BPTF: variants seen among roughly 807,000 people sequenced by gnomAD.
BPTF encodes nucleosome-remodeling factor subunit BPTF.
In BPTF, 18 loss-of-function variants were observed where a neutral mutation model predicts 292.5. The observed-to-expected ratio is 0.06, with a 90% CI of 0.04 to 0.09. The LOEUF (loss-of-function observed/expected upper bound fraction) is 0.09. BPTF is among the 10% of genes least tolerant of loss of function. The pLI is 1.00. For missense variants in BPTF, 2,726 were observed against 3,498.7 expected (o/e 0.78, Z 5.57); for synonymous variants, 1,225 against 1,251.9 (o/e 0.98, Z 0.45).
chr17:67,856,498 C>T (rs1460481821), intron 2 of BPTF, among the ~76,000 whole-genome samples: 3 of 152,048 alleles, frequency 2.0e-5, no homozygotes, highest in Non-Finnish European at 4.4e-5. Flanking sequence ...TCTTAATTTT[C>T]TGCTCCTCAT....
chr17:67,904,329 C>G (rs1259336637), intron 8 of BPTF, among the ~76,000 whole-genome samples: 2 of 152,262 alleles, frequency 1.3e-5, no homozygotes, highest in South Asian at 2.1e-4. Context: ...TGCTCCTGGC[C>G]TACTTTTGAC....
chr17:67,902,017 C>T (rs1460273473), intron 7 of BPTF, among the ~76,000 whole-genome samples: 2 of 152,164 alleles, frequency 1.3e-5, no homozygotes, highest in Admixed American at 6.5e-5. Flanking sequence ...GGTTGGACTT[C>T]GTTGGCCAAG....
chr17:67,892,764 A>G (rs542895534), intron 5 of BPTF, among the ~76,000 whole-genome samples: 5 of 152,218 alleles, frequency 3.3e-5, no homozygotes, highest in Admixed American at 3.3e-4. Flanking sequence ...CTGAAATACT[A>G]TTTTACTTTA....
rs192491830 is a variant in BPTF, at chr17:67,909,503, T to G, written c.2813-79T>G. On this transcript the variant is annotated intron_variant, in intron 9 of 27. Coordinates refer to ENST00000306378, the MANE Select transcript of BPTF (RefSeq NM_182641.4). ...ACATAACTTGCTGGAAATTACTTGT[T>G]TATTTTCACTAAACTTGACATATTA... 4,194 of 979,946 alleles carry G rather than the reference T, an allele frequency of 4.3e-3. 10 individuals are homozygous for G. The highest frequency in any genetic ancestry group is 5.9e-3 in the Admixed American group (186 of 31,506). 60.7% of individuals were successfully genotyped at this position (979,946 alleles called of 1,614,324 possible). A position where few individuals can be genotyped will look rare whatever the true frequency, so the allele number is the denominator to read the frequency against.
intron 4 of BPTF, chr17:67,875,780 G>A: frequency 1.4e-6 from 2 of 1,428,620 alleles, no homozygotes; most frequent in Non-Finnish European, 1.9e-6. Context: ...TCTGTAATGG[G>A]GGGAATCCTT....
rs143897895 is a variant in BPTF at position 67,925,717 on chromosome 17, C to T, written c.5751+1128C>T. ...TAGTTATACATAACTATTTAAAAAT[C>T]ATATATAAACCAAATTATTTGTTTC... is the stretch of plus-strand genomic sequence containing the variant. On this transcript the variant is annotated intron_variant, in intron 15 of 27. Coordinates refer to ENST00000306378, the MANE Select transcript of BPTF (RefSeq NM_182641.4). Among the ~76,000 whole-genome samples the T allele has an allele frequency of 3.2e-3, 490 of 152,100 alleles. 2 individuals carry two copies. Among genetic ancestry groups the T allele is most frequent in the African/African-American group, 0.011 (473 of 41,510 alleles).
rs576578659 is a variant in BPTF, at chr17:67,934,806, A to T, written c.6259+2787A>T. 1.1e-4 allele frequency among the ~76,000 whole-genome samples: 15 copies of T among 134,576 alleles called. No individual in the cohort carries two copies. In the South Asian group the frequency reaches 3.4e-3, roughly 31 times the overall value. The allele number at this position is 134,576 out of a possible 152,430, so 88.3% of individuals were successfully genotyped here. On this transcript the variant is annotated intron_variant, in intron 18 of 27. Coordinates refer to ENST00000306378, the MANE Select transcript of BPTF (RefSeq NM_182641.4). Reference sequence around the variant, plus strand: ...AGAATTGCTTGAACCCAGGAGGCAGAGGTCATGGTGAGCCAAGATGGTGCC... The same window carrying T: ...AGAATTGCTTGAACCCAGGAGGCAGTGGTCATGGTGAGCCAAGATGGTGCC...
chr17:67,960,160 A>C, intron 24 of BPTF: 2 of 275,622 alleles, frequency 7.3e-6, no homozygotes, highest in East Asian at 7.6e-5. Context: ...TTAACTCCAA[A>C]TCAGTGAGTA....
intron 25 of BPTF, chr17:67,965,504 C>T (rs1443910539): frequency 6.7e-5 from 10 of 149,344 alleles, no homozygotes; most frequent in African/African-American, 2.5e-4. Context: ...TAGAGACCAA[C>T]CTGGGCAGCA....
chr17:67,882,096 A>T (rs1336100639), intron 4 of BPTF, among the ~76,000 whole-genome samples: 4 of 151,962 alleles, frequency 2.6e-5, no homozygotes, highest in African/African-American at 9.7e-5. Flanking sequence ...CAGCCTCCCA[A>T]AGTGGTAGAA....
chr17:67,894,606 G>A (rs1188319815), intron 7 of BPTF, among the ~76,000 whole-genome samples: 1 of 152,166 alleles, frequency 6.6e-6, no homozygotes, highest in Non-Finnish European at 1.5e-5. Context: ...GGGATTACAG[G>A]TGTGAGCCAC....
In BPTF at chr17:67,983,550, C is replaced by T. The variant is rs1199067746; in HGVS notation, c.*1262C>T. On this transcript the variant is annotated 3_prime_UTR_variant, in exon 28 of 28. Coordinates refer to ENST00000306378, the MANE Select transcript of BPTF (RefSeq NM_182641.4). ...TTTGTTGGTTTGTTTGTTTCTTCCA[C>T]GTAAGGAAAAGTAGTGTAAACAGTA... 1.3e-5 allele frequency: 2 copies of T among 152,556 alleles called. No individual in the cohort carries two copies. The highest frequency in any genetic ancestry group is 2.1e-4 in the South Asian group (1 of 4,832). 9.5% of individuals were successfully genotyped at this position (152,556 alleles called of 1,614,324 possible).
chr17:67,826,168 G>C lies in BPTF; in HGVS notation c.444G>C (p.Glu148Asp), dbSNP rs766883695. 7.0e-6 allele frequency: 11 copies of C among 1,564,906 alleles called. No homozygotes were observed. In the East Asian group the frequency reaches 2.2e-4, roughly 32 times the overall value. The change falls in exon 1 of 28, where the codon GAG (glutamate) becomes GAC (aspartate). Residue 148 changes from glutamate to aspartate, a missense_variant. This residue lies in a region of BPTF where 153 missense variants were observed against 178.3 expected (regional missense o/e 0.86). Transcript: ENST00000306378. ...TGGTCTCCGAGGAGGAGGAGGAGGA[G>C]GACGGCGACGCCGAGGAGACCCAGG... is the stretch of plus-strand genomic sequence containing the variant. ...EDMVSEEEEE[E>D]DGDAEETQDS... is the part of the protein sequence containing the mutation.
At position 67,906,370 on chromosome 17, in the gene BPTF, G is replaced by A. The variant is rs549911617; in HGVS notation, c.2812+1530G>A. ...CTGGGATTACAGGTGTGACCACTGC[G>A]CCTGGCCTATAAATAAGCTATTAAT... On this transcript the variant is annotated intron_variant, in intron 9 of 27. Transcript: ENST00000306378. 2.6e-5 allele frequency among the ~76,000 whole-genome samples: 4 copies of A among 152,212 alleles called. No homozygotes were observed. The East Asian group carries it at 7.7e-4, about 29-fold the overall frequency.
At chr17:67,909,975 A>G (rs541603724) in intron 10 of BPTF, among the ~76,000 whole-genome samples, 1 of 152,324 alleles carries the variant, frequency 6.6e-6, no homozygotes, top group African/African-American at 2.4e-5. Flanking sequence ...ATCTTAGAAC[A>G]TTTTCATAAC....
intron 2 of BPTF, among the ~76,000 whole-genome samples, chr17:67,856,667 G>A (rs2058709578): frequency 6.6e-6 from 1 of 152,152 alleles, no homozygotes; most frequent in African/African-American, 2.4e-5. Flanking sequence ...AAGCTCTAGA[G>A]GAGCAATGGC....
rs187730437 is a variant in BPTF at position 67,973,122 on chromosome 17, C to A, written c.8540-2650C>A. On this transcript the variant is annotated intron_variant, in intron 26 of 27. Transcript: ENST00000306378. ...AGGCACGGTGGCTCACGCCTGTAAT[C>A]CCAGCACTTTGGGAGGCCGAGGCAG... 3.3e-3 allele frequency among the ~76,000 whole-genome samples: 494 copies of A among 147,864 alleles called. 2 individuals carry two copies. The highest frequency in any genetic ancestry group is 0.011 in the African/African-American group (461 of 40,432).
rs782195191 is a variant in BPTF, at chr17:67,982,646, G to T, written c.*358G>T. 1 of 184,038 alleles carries T rather than the reference G, an allele frequency of 5.4e-6. No individual in the cohort carries two copies. Among genetic ancestry groups the T allele is most frequent in the East Asian group, 1.3e-4 (1 of 7,730 alleles). 11.4% of individuals were successfully genotyped at this position (184,038 alleles called of 1,614,324 possible). ...CGTCTGCTCTTCAGTGAAGAAGCTGGTTTAGAGTCTCACAGAAAACTTTTG... is the reference window on the plus strand; with the variant it reads ...CGTCTGCTCTTCAGTGAAGAAGCTGTTTTAGAGTCTCACAGAAAACTTTTG... On this transcript the variant is annotated 3_prime_UTR_variant, in exon 28 of 28. Transcript: ENST00000306378.
At chr17:67,921,935 G>A (rs910846466) in intron 13 of BPTF, among the ~76,000 whole-genome samples, 6 of 152,132 alleles carry the variant, frequency 3.9e-5, no homozygotes, top group Non-Finnish European at 8.8e-5. Context: ...GGGAGGCCGA[G>A]GCACGAGAAT....
Sources: allele counts gnomAD v4.1 joint callset (sites outside exome capture counted in the v4.1 genomes callset), GRCh38; gene constraint gnomAD v4.1.1; regional missense constraint gnomAD v4.1.1; transcripts MANE v1.5; gene names NCBI Gene and HGNC (gene_info 2026-07-23, HGNC 2026-07-21).